The following NELL1 variants were observed in gnomAD, a reference collection of about 807,000 sequenced individuals.
The protein encoded by NELL1 is protein kinase C-binding protein NELL1.
NELL1 carries 76 observed loss-of-function variants against 107.4 expected under a neutral mutation model. That is an observed-to-expected ratio of 0.71 (90% confidence interval 0.59 to 0.86). The LOEUF is 0.86. NELL1 is among the 40% of genes least tolerant of loss of function. The pLI is 0.00. For synonymous variants in NELL1, 353 were observed against 341.2 expected, an observed-to-expected ratio of 1.03 and a Z score of -0.38; for missense variants, 1,024 against 1,005.5, an observed-to-expected ratio of 1.02 and a Z score of -0.25.
chr11:21,352,724 C>A (rs932000164), intron 14 of NELL1, among the ~76,000 whole-genome samples: 1 of 152,112 alleles, frequency 6.6e-6, no homozygotes, highest in Non-Finnish European at 1.5e-5. Context: ...GTTTCTATTG[C>A]AAACTGCTTT....
intron 15 of NELL1, among the ~76,000 whole-genome samples, chr11:21,401,328 T>A (rs1048307050): frequency 6.6e-6 from 1 of 151,852 alleles, no homozygotes; most frequent in African/African-American, 2.4e-5. Flanking sequence ...AAGAAACAGA[T>A]AATTAAAAGG....
At chr11:20,847,820 A>G in intron 4 of NELL1, 67 bp downstream of exon 4, 1 of 1,478,524 alleles carries the variant, frequency 6.8e-7, no homozygotes. Flanking sequence ...AGGGGAAAAA[A>G]TATCAAATTC....
chr11:21,081,379 T>C (rs1279994162), intron 12 of NELL1, among the ~76,000 whole-genome samples: 1 of 152,132 alleles, frequency 6.6e-6, no homozygotes, highest in Non-Finnish European at 1.5e-5. Flanking sequence ...CTGGTTTCTC[T>C]TTTCCTTTTT....
intron 3 of NELL1, among the ~76,000 whole-genome samples, chr11:20,806,252 TTGTGTGTGTGTGTGTG>T (rs3045512): frequency 6.7e-6 from 1 of 148,588 alleles, no homozygotes; most frequent in Non-Finnish European, 1.5e-5. Flanking sequence ...TGTGAAGCAT[TTGTGTGTGTGTGTGTG>T]TGTGTGTGTG....
At chr11:21,522,610 G>A (rs1008752981) in intron 15 of NELL1, among the ~76,000 whole-genome samples, 6 of 151,826 alleles carry the variant, frequency 4.0e-5, no homozygotes, top group Admixed American at 3.9e-4. Context: ...TACTTAACTG[G>A]GTACATGTAC....
chr11:21,212,524 A>G (rs1857520794), intron 13 of NELL1, among the ~76,000 whole-genome samples: 1 of 152,194 alleles, frequency 6.6e-6, no homozygotes, highest in African/African-American at 2.4e-5. Context: ...AAAACTGCTT[A>G]GTAGAAGCAG....
chr11:21,228,676 C>T, intron 13 of NELL1, among the ~76,000 whole-genome samples: 2 of 92,496 alleles, frequency 2.2e-5, no homozygotes, highest in Admixed American at 1.2e-4. Context: ...TTTCTTTTCC[C>T]CTCTCCCCTC....
intron 15 of NELL1, among the ~76,000 whole-genome samples, chr11:21,443,544 A>ATT (rs5790188): frequency 8.6e-5 from 13 of 150,524 alleles, no homozygotes; most frequent in Non-Finnish European, 1.8e-4. Context: ...CTTTGCTTTT[A>ATT]TTTTTTTTTC....
At chr11:20,760,233 A>G (rs1028474902) in intron 2 of NELL1, among the ~76,000 whole-genome samples, 3 of 152,228 alleles carry the variant, frequency 2.0e-5, no homozygotes, top group African/African-American at 7.2e-5. Flanking sequence ...GATTGGAGAA[A>G]TGCCAACATT....
chr11:21,213,410 T>A lies in NELL1; in HGVS notation c.1427-15922T>A, dbSNP rs1857544886. 1.3e-5 allele frequency among the ~76,000 whole-genome samples: 2 copies of A among 152,130 alleles called. 1 individual carries two copies. Among genetic ancestry groups the A allele is most frequent in the South Asian group, 4.1e-4 (2 of 4,828 alleles). ...CTAGAATAGCTAAAATAATTTTGAA[T>A]TGAATAATTTTGAATTGAATATTAA... On this transcript the variant is annotated intron_variant, in intron 13 of 19. Transcript: ENST00000357134.
At position 20,864,633 on chromosome 11, in the gene NELL1, GGCCTCTACC is replaced by G. The variant is rs148729572; in HGVS notation, c.506+16881_506+16889del. On this transcript the variant is annotated intron_variant, in intron 4 of 19. Coordinates refer to ENST00000357134, the MANE Select transcript of NELL1 (RefSeq NM_006157.5). ...TGTTGGCCTTCACTTTCGGAAACCTGGCCTCTACCTGTCTGCCTGTTGCTGCTGCCTTCT... is the reference window on the plus strand; with the variant it reads ...TGTTGGCCTTCACTTTCGGAAACCTGTGTCTGCCTGTTGCTGCTGCCTTCT... 5.3e-3 allele frequency among the ~76,000 whole-genome samples: 804 copies of G among 152,266 alleles called. 8 individuals are homozygous for G. Among genetic ancestry groups the G allele is most frequent in the African/African-American group, 0.019 (776 of 41,544 alleles).
At chr11:20,962,599 G>A (rs1851312413) in intron 12 of NELL1, among the ~76,000 whole-genome samples, 1 of 152,148 alleles carries the variant, frequency 6.6e-6, no homozygotes, top group African/African-American at 2.4e-5. Context: ...ATTTCTCATT[G>A]ATGTCATTTT....
chr11:21,194,805 C>T (rs1166062001), intron 13 of NELL1, among the ~76,000 whole-genome samples: 2 of 152,146 alleles, frequency 1.3e-5, no homozygotes, highest in Admixed American at 6.6e-5. Flanking sequence ...TGAGGATGCA[C>T]TCCATGGATA....
At chr11:21,290,433 A>AAATAAATG (rs58067195) in intron 14 of NELL1, among the ~76,000 whole-genome samples, 1 of 135,020 alleles carries the variant, frequency 7.4e-6, no homozygotes, top group African/African-American at 2.5e-5. Flanking sequence ...ATAAATAAAT[A>AAATAAATG]TTCCTTCCTG....
At chr11:21,460,456 T>A (rs552759557) in intron 15 of NELL1, among the ~76,000 whole-genome samples, 42 of 152,236 alleles carry the variant, frequency 2.8e-4, no homozygotes, top group African/African-American at 9.1e-4. Flanking sequence ...TAATTCTGCC[T>A]TGGTTATTGG....
intron 14 of NELL1, among the ~76,000 whole-genome samples, chr11:21,370,486 T>C (rs1851332926): frequency 1.3e-5 from 2 of 152,068 alleles, no homozygotes; most frequent in South Asian, 4.1e-4. Flanking sequence ...GGTTACAAAA[T>C]AGTGAACATT....
chr11:21,541,634 G>A (rs1856295073), intron 16 of NELL1, among the ~76,000 whole-genome samples: 1 of 152,066 alleles, frequency 6.6e-6, no homozygotes, highest in Non-Finnish European at 1.5e-5. Context: ...AGGCAATACT[G>A]TGATGTAATG....
chr11:20,899,630 C>T (rs891252687), intron 5 of NELL1, among the ~76,000 whole-genome samples: 1 of 151,734 alleles, frequency 6.6e-6, no homozygotes, highest in Non-Finnish European at 1.5e-5. Context: ...ATCGTAAGAA[C>T]AGAAATTCAT....
At chr11:20,990,483 C>G (rs1431937043) in intron 12 of NELL1, among the ~76,000 whole-genome samples, 2 of 152,192 alleles carry the variant, frequency 1.3e-5, no homozygotes, top group Admixed American at 6.5e-5. Context: ...AGAGATTATT[C>G]TGCTGTTGAA....
Sources: gnomAD v4.1 joint callset for allele counts (sites outside exome capture counted in the v4.1 genomes callset) on GRCh38, gnomAD v4.1.1 for gene constraint, MANE v1.5 for transcripts, NCBI Gene and HGNC (gene_info 2026-07-23, HGNC 2026-07-21) for gene names.